The following NPR2 variants were observed in gnomAD, a reference collection of about 807,000 sequenced individuals.
The protein encoded by NPR2 is natriuretic peptide receptor 2.
NPR2 carries 49 observed loss-of-function variants against 120.7 expected under a neutral mutation model. That is an observed-to-expected ratio of 0.41 (90% CI 0.32 to 0.52). NPR2 has a LOEUF of 0.52. Ranked by LOEUF, NPR2 falls within the 20% of genes least tolerant of loss-of-function variation. The probability of loss-of-function intolerance (pLI) is 0.36; values close to 1 mark genes in which losing one functional copy is unlikely to be tolerated. For missense variants in NPR2, 931 were observed against 1,362.9 expected, an observed-to-expected ratio of 0.68 and a Z score of 4.99; for synonymous variants, 484 against 519.8, an observed-to-expected ratio of 0.93 and a Z score of 0.94.
In NPR2 at chr9:35,806,337, G is replaced by A. The variant is rs560629095; in HGVS notation, c.2373-55G>A. 28 of 1,610,798 alleles carry A rather than the reference G, an allele frequency of 1.7e-5. No homozygotes were observed. In the South Asian group the frequency reaches 2.9e-4, roughly 16 times the overall value. ...GACCAGAGGGTGGGTTGGATAGGAA[G>A]TCCTGGGAATCTTCAGAATCTTAGA... is the stretch of plus-strand genomic sequence containing the variant. On this transcript the variant is annotated intron_variant, in intron 15 of 21. Transcript: ENST00000342694. The surrounding 1 kb of genome is among the most constrained non-coding windows in gnomAD (Gnocchi z 4.6).
At position 35,809,001 on chromosome 9, in the gene NPR2, T is replaced by C. The variant is rs952440700; in HGVS notation, c.2986+148T>C. Reference sequence around the variant, plus strand: ...ATATTTTGGTTCTAATAGATATGCATTGGGAGGTTGGGCATATTTTGGTCC... The same window carrying C: ...ATATTTTGGTTCTAATAGATATGCACTGGGAGGTTGGGCATATTTTGGTCC... On this transcript the variant is annotated intron_variant, in intron 20 of 21. Coordinates refer to ENST00000342694, the MANE Select transcript of NPR2 (RefSeq NM_003995.4). The surrounding 1 kb of genome is among the most constrained non-coding windows in gnomAD (Gnocchi z 4.1). The C allele has an allele frequency of 2.6e-5, 24 of 936,310 alleles. No homozygotes were observed. The highest frequency in any genetic ancestry group is 1.4e-4 in the South Asian group (11 of 76,792). 58.0% of individuals were successfully genotyped at this position (936,310 alleles called of 1,614,324 possible). A position where few individuals can be genotyped will look rare whatever the true frequency, so the allele number is the denominator to read the frequency against.
rs1828097068 is a variant in NPR2 at position 35,800,179 on chromosome 9, G to A, written c.1123+22G>A. ...CACGGTAATGAAGAGGGGTCAATGG[G>A]GGTCTGAGGGCTGATGTCAGGAATA... On this transcript the variant is annotated intron_variant, in intron 4 of 21. Transcript: ENST00000342694. The surrounding 1 kb of genome is among the most constrained non-coding windows in gnomAD (Gnocchi z 4.7). 1 of 1,606,626 alleles carries A rather than the reference G, an allele frequency of 6.2e-7. No homozygotes were observed. The highest frequency in any genetic ancestry group is 8.5e-7 in the Non-Finnish European group (1 of 1,173,210).
At chr9:35,793,233 CA>C (rs1200817332) in intron 1 of NPR2, among the ~76,000 whole-genome samples, 158 bp downstream of exon 1, 2 of 152,084 alleles carry the variant, frequency 1.3e-5, no homozygotes, top group Admixed American at 1.3e-4. Flanking sequence ...GTGAGAGGGC[CA>C]AGGCTTCATC....
Position 35,800,623 on chromosome 9 carries a change from G to C in NPR2, c.1219-86G>C. 6.2e-7 allele frequency: 1 copy of C among 1,606,942 alleles called. No homozygotes were observed. Among genetic ancestry groups the C allele is most frequent in the South Asian group, 1.1e-5 (1 of 90,814 alleles). ...CTGCATCCTGGCTGGGTGGTAGGCT[G>C]GGGAGAAAAGCAGCGAAACAGCTGG... On this transcript the variant is annotated intron_variant, in intron 5 of 21. Coordinates refer to ENST00000342694, the MANE Select transcript of NPR2 (RefSeq NM_003995.4). This position sits in a 1 kb window ranked among gnomAD's most constrained non-coding sequence, Gnocchi z 4.7.
At position 35,793,057 on chromosome 9, in the gene NPR2, A is replaced by T. The variant is rs191155989; in HGVS notation, c.649A>T (p.Ile217Phe). ...PGGPEQATHF[I>F]RANGRIVYIC... ...GGGCCCCGAGCAGGCCACCCACTTCATCCGGGCCAACGGGCGCAGTGAGTG... is the reference window on the plus strand; with the variant it reads ...GGGCCCCGAGCAGGCCACCCACTTCTTCCGGGCCAACGGGCGCAGTGAGTG... The change falls in exon 1 of 22, where the codon ATC (isoleucine) becomes TTC (phenylalanine). Residue 217 changes from isoleucine to phenylalanine, a missense_variant. Physicochemically the swap from Ile to Phe is conservative, Grantham distance 21. Around this residue, in one of 3 missense-constraint regions of NPR2, gnomAD observed 681 missense variants for 974.3 expected, o/e 0.70. Coordinates refer to ENST00000342694, the MANE Select transcript of NPR2 (RefSeq NM_003995.4). 66 of 1,600,770 alleles carry T rather than the reference A, an allele frequency of 4.1e-5. No homozygotes were observed. The Admixed American group carries it at 1.1e-3, about 26-fold the overall frequency.
chr9:35,799,835 G>C, intron 3 of NPR2, 104 bp downstream of exon 3: 1 of 1,366,368 alleles, frequency 7.3e-7, no homozygotes, highest in South Asian at 1.2e-5. Flanking sequence ...CCCAACTTTG[G>C]GGGGTCTCCG....
At chr9:35,799,434 A>G (rs1252947208) in intron 2 of NPR2, among the ~76,000 whole-genome samples, 184 bp from the exon 3 acceptor site, 2 of 151,878 alleles carry the variant, frequency 1.3e-5, no homozygotes, top group Non-Finnish European at 1.5e-5. Flanking sequence ...ACACACACAC[A>G]CACACACACA....
chr9:35,809,320 G>A lies in NPR2; in HGVS notation c.3079-60G>A. 2 of 1,611,456 alleles carry A rather than the reference G, an allele frequency of 1.2e-6. No homozygotes were observed. The highest frequency in any genetic ancestry group is 1.7e-6 in the Non-Finnish European group (2 of 1,177,786). ...TGATTATGGGAATCATAGGGAAAGA[G>A]AGGGAGACAAAGGGACTAACATCGA... On this transcript the variant is annotated intron_variant, in intron 21 of 21. Transcript: ENST00000342694. The surrounding 1 kb of genome is among the most constrained non-coding windows in gnomAD (Gnocchi z 4.1).
Position 35,806,299 on chromosome 9 carries a change from G to T in NPR2, c.2372+66G>T. ...AGACTCATTAGTCCTAGTGCATGAA[G>T]TGGGGCAGGTGGGACCAGAGGGTGG... On this transcript the variant is annotated intron_variant, in intron 15 of 21. Transcript: ENST00000342694. This position sits in a 1 kb window ranked among gnomAD's most constrained non-coding sequence, Gnocchi z 4.6. The T allele has an allele frequency of 6.2e-7, 1 of 1,609,798 alleles. No homozygotes were observed.
Position 35,792,637 on chromosome 9 carries a change from G to A in NPR2, c.229G>A (p.Glu77Lys). Residue 77 changes from glutamate (E) to lysine (K), a missense_variant, in exon 1 of 22, where the codon GAG becomes AAG. By Grantham distance (56) the Glu-to-Lys change is moderately conservative. Transcript: ENST00000342694. ...VSSELEGACSEYLAPLSAVDL... is the reference protein window; with the variant it reads ...VSSELEGACSKYLAPLSAVDL... Reference sequence around the variant, plus strand: ...CTCCGAACTGGAAGGCGCCTGCTCTGAGTACCTGGCACCGCTGAGCGCTGT... The same window carrying A: ...CTCCGAACTGGAAGGCGCCTGCTCTAAGTACCTGGCACCGCTGAGCGCTGT... 1 of 1,614,050 alleles carries A rather than the reference G, an allele frequency of 6.2e-7. No individual in the cohort carries two copies. The highest frequency in any genetic ancestry group is 8.5e-7 in the Non-Finnish European group (1 of 1,180,032).
Position 35,809,457 on chromosome 9 carries a change from T to G in NPR2, c.*12T>G. 6.2e-7 allele frequency: 1 copy of G among 1,614,178 alleles called. No homozygotes were observed. Among genetic ancestry groups the G allele is most frequent in the Non-Finnish European group, 8.5e-7 (1 of 1,180,030 alleles). ...CTGGACTCCTGTAAACCCCCATTCT[T>G]TCCAAGTCAGATAGTCTTCTGCTGC... is the stretch of plus-strand genomic sequence containing the variant. On this transcript the variant is annotated 3_prime_UTR_variant, in exon 22 of 22. Transcript: ENST00000342694. This position sits in a 1 kb window ranked among gnomAD's most constrained non-coding sequence, Gnocchi z 4.1.
intron 8 of NPR2, 78 bp downstream of exon 8, chr9:35,801,841 T>C: frequency 4.4e-6 from 7 of 1,608,434 alleles, no homozygotes; most frequent in East Asian, 2.2e-5. Flanking sequence ...TCCCAGCACA[T>C]TGGCTTGTAA....
chr9:35,803,464 C>G (rs1026144089), intron 12 of NPR2, among the ~76,000 whole-genome samples: 1 of 152,118 alleles, frequency 6.6e-6, no homozygotes, highest in Admixed American at 6.5e-5. Flanking sequence ...TATTTATCTC[C>G]TGTTTTTCCT....
At chr9:35,801,552 G>T in intron 7 of NPR2, 91 bp from the exon 8 acceptor site, 1 of 1,374,552 alleles carries the variant, frequency 7.3e-7, no homozygotes, top group East Asian at 2.3e-5. Flanking sequence ...TGCAGCTTCA[G>T]GAGCTGCAGG....
chr9:35,792,187 T>A lies in NPR2; in HGVS notation c.-222T>A. The A allele has an allele frequency of 2.1e-5, 8 of 375,348 alleles. No individual in the cohort carries two copies. The highest frequency in any genetic ancestry group is 7.8e-5 in the Admixed American group (2 of 25,784). The allele number at this position is 375,348 out of a possible 1,614,324, so 23.3% of individuals were successfully genotyped here. A position where few individuals can be genotyped will look rare whatever the true frequency, so the allele number is the denominator to read the frequency against. On this transcript the variant is annotated 5_prime_UTR_variant, in exon 1 of 22. The change creates a new upstream start codon in the 5' untranslated region. Coordinates refer to ENST00000342694, the MANE Select transcript of NPR2 (RefSeq NM_003995.4). The stretch of plus-strand genomic sequence containing the variant: ...CCACCCCGTTCTCAGTCCTCAGTCC[T>A]TGCCCTAGGCTGGTAGCCCACTCCT...
At position 35,806,668 on chromosome 9, in the gene NPR2, A is replaced by G. The variant is rs932113678; in HGVS notation, c.2519+130A>G. On this transcript the variant is annotated intron_variant, in intron 16 of 21. Coordinates refer to ENST00000342694, the MANE Select transcript of NPR2 (RefSeq NM_003995.4). The surrounding 1 kb of genome is among the most constrained non-coding windows in gnomAD (Gnocchi z 4.6). Reference sequence around the variant, plus strand: ...CTGGCCACAGGGAGCACCCCTGCTTATAGATTATTTGCTGTCATTCTGTCT... The same window carrying G: ...CTGGCCACAGGGAGCACCCCTGCTTGTAGATTATTTGCTGTCATTCTGTCT... 1.0e-6 allele frequency: 1 copy of G among 988,902 alleles called. No individual in the cohort carries two copies. Among genetic ancestry groups the G allele is most frequent in the South Asian group, 1.3e-5 (1 of 75,540 alleles). 61.3% of individuals were successfully genotyped at this position (988,902 alleles called of 1,614,324 possible).
At position 35,803,108 on chromosome 9, in the gene NPR2, A is replaced by AT. The variant is rs1040001397; in HGVS notation, c.1887+318dup. On this transcript the variant is annotated intron_variant, in intron 12 of 21. Coordinates refer to ENST00000342694, the MANE Select transcript of NPR2 (RefSeq NM_003995.4). The stretch of plus-strand genomic sequence containing the variant: ...TAAAATGAGTGGAGTCTCTGAACAT[A>AT]TTTTTTTTTTTTTGAGACGGAGTCT... Among the ~76,000 whole-genome samples, 73 of 135,196 alleles carry AT rather than the reference A, an allele frequency of 5.4e-4. 4 individuals carry two copies. The highest frequency in any genetic ancestry group is 5.5e-4 in the Non-Finnish European group (35 of 64,074). The allele number at this position is 135,196 out of a possible 152,430, so 88.7% of individuals were successfully genotyped here. A position where few individuals can be genotyped will look rare whatever the true frequency, so the allele number is the denominator to read the frequency against.
At position 35,805,475 on chromosome 9, in the gene NPR2, A is replaced by T; in HGVS notation, c.1888-36A>T. On this transcript the variant is annotated intron_variant, in intron 12 of 21. Transcript: ENST00000342694. The surrounding 1 kb of genome is among the most constrained non-coding windows in gnomAD (Gnocchi z 4.9). ...GGAGAGAGGGTATTCTAAGCCAGAT[A>T]TGATCCAATCCCATGACTTGATCTG... The T allele has an allele frequency of 6.2e-7, 1 of 1,610,748 alleles. No individual in the cohort carries two copies. Among genetic ancestry groups the T allele is most frequent in the African/African-American group, 1.3e-5 (1 of 75,014 alleles).
In NPR2 at chr9:35,802,942, T is replaced by C; in HGVS notation, c.1887+139T>C. 1.4e-6 allele frequency: 1 copy of C among 715,580 alleles called. No homozygotes were observed. Among genetic ancestry groups the C allele is most frequent in the Non-Finnish European group, 2.5e-6 (1 of 392,192 alleles). 44.3% of individuals were successfully genotyped at this position (715,580 alleles called of 1,614,324 possible). A position where few individuals can be genotyped will look rare whatever the true frequency, so the allele number is the denominator to read the frequency against. On this transcript the variant is annotated intron_variant, in intron 12 of 21. Coordinates refer to ENST00000342694, the MANE Select transcript of NPR2 (RefSeq NM_003995.4). This position sits in a 1 kb window ranked among gnomAD's most constrained non-coding sequence, Gnocchi z 4.2. ...ATTCCCATGGTCTGGTAATAATGGG[T>C]AAACAAGGAGTCTGGGGCTTATAAC...
Sources: allele counts gnomAD v4.1 joint callset (sites outside exome capture counted in the v4.1 genomes callset), GRCh38; gene constraint gnomAD v4.1.1; regional missense constraint gnomAD v4.1.1; non-coding constraint Gnocchi (gnomAD v3.1); transcripts MANE v1.5; gene names NCBI Gene and HGNC (gene_info 2026-07-23, HGNC 2026-07-21).